The following STRN variants were observed in gnomAD, a reference collection of about 807,000 sequenced individuals.
The protein encoded by STRN is striatin, also known as protein phosphatase 2 regulatory subunit B'''alpha.
In STRN, 53 loss-of-function variants were observed where a neutral mutation model predicts 96.3. That is an observed-to-expected ratio of 0.55 (90% CI 0.44 to 0.69). The LOEUF (loss-of-function observed/expected upper bound fraction) is 0.69. Ranked by LOEUF, STRN falls within the 30% of genes least tolerant of loss-of-function variation. The pLI is 0.00. For synonymous variants in STRN, 428 were observed against 355.9 expected (o/e 1.20, Z -2.28); for missense variants, 987 against 963.9 (o/e 1.02, Z -0.32).
chr2:36,911,267 T>C (rs1669959142), intron 3 of STRN, among the ~76,000 whole-genome samples: 1 of 152,214 alleles, frequency 6.6e-6, no homozygotes, highest in African/African-American at 2.4e-5. Flanking sequence ...TGTCATATCT[T>C]AGGTCTTATC....
rs1251168837 is a variant in STRN at position 36,842,534 on chromosome 2, G to T, written c.*6922C>A. The stretch of plus-strand genomic sequence containing the variant: ...TAAGGTGAATGGCTAAATCACCAAG[G>T]ACAAGATACTTTTCTATGAAATAGG... On this transcript the variant is annotated 3_prime_UTR_variant, in exon 18 of 18. Coordinates refer to ENST00000263918, the MANE Select transcript of STRN (RefSeq NM_003162.4). 6.6e-6 allele frequency: 1 copy of T among 152,112 alleles called. No homozygotes were observed. Among genetic ancestry groups the T allele is most frequent in the African/African-American group, 2.4e-5 (1 of 41,430 alleles). 9.4% of individuals were successfully genotyped at this position (152,112 alleles called of 1,614,324 possible).
At chr2:36,916,257 G>A (rs773609008) in intron 2 of STRN, 106 bp from the exon 3 acceptor site, 5 of 953,156 alleles carry the variant, frequency 5.2e-6, no homozygotes, top group Non-Finnish European at 8.0e-6. Context: ...AACACTCCTA[G>A]AACTTTCAAA....
At chr2:36,927,999 T>C (rs913674233) in intron 1 of STRN, among the ~76,000 whole-genome samples, 5 of 152,168 alleles carry the variant, frequency 3.3e-5, no homozygotes, top group East Asian at 3.9e-4. Flanking sequence ...ATGAATATAA[T>C]TGAAAGAAAA....
intron 1 of STRN, among the ~76,000 whole-genome samples, chr2:36,929,531 C>T (rs1288249092): frequency 6.6e-6 from 1 of 152,048 alleles, no homozygotes; most frequent in Non-Finnish European, 1.5e-5. Flanking sequence ...ATTACAGGTG[C>T]ACACCACCAC....
intron 1 of STRN, among the ~76,000 whole-genome samples, chr2:36,956,318 A>G (rs1423276645): frequency 6.6e-6 from 1 of 152,210 alleles, no homozygotes; most frequent in Non-Finnish European, 1.5e-5. Context: ...CCTTACAGCG[A>G]TCCTGCTTAG....
intron 1 of STRN, among the ~76,000 whole-genome samples, chr2:36,935,154 G>A (rs1165561294): frequency 1.3e-5 from 2 of 152,156 alleles, no homozygotes; most frequent in Non-Finnish European, 2.9e-5. Context: ...TACTACACCT[G>A]AACATTCCCA....
At chr2:36,899,459 T>C (rs1030562375) in intron 6 of STRN, 64 bp downstream of exon 6, 10 of 1,345,276 alleles carry the variant, frequency 7.4e-6, no homozygotes, top group African/African-American at 4.5e-5. Flanking sequence ...GATTCTTTTA[T>C]GCATTATACA....
intron 1 of STRN, among the ~76,000 whole-genome samples, chr2:36,949,085 C>T (rs894591216): frequency 6.6e-6 from 1 of 152,172 alleles, no homozygotes; most frequent in Non-Finnish European, 1.5e-5. Flanking sequence ...ACCTTCTCTA[C>T]GTTTATGGCT....
At chr2:36,851,180 C>A (rs1296328614) in intron 15 of STRN, 73 bp from the exon 16 acceptor site, 1 of 1,367,454 alleles carries the variant, frequency 7.3e-7, no homozygotes, top group East Asian at 2.4e-5. Flanking sequence ...ACTGAATTAT[C>A]TATCTAAGAG....
At chr2:36,942,944 C>T (rs1179795443) in intron 1 of STRN, among the ~76,000 whole-genome samples, 1 of 152,124 alleles carries the variant, frequency 6.6e-6, no homozygotes, top group Non-Finnish European at 1.5e-5. Flanking sequence ...GATTTGCCCG[C>T]CTCGGCCTCC....
At chr2:36,878,834 C>A (rs1416167237) in intron 9 of STRN, among the ~76,000 whole-genome samples, 1 of 151,954 alleles carries the variant, frequency 6.6e-6, no homozygotes, top group African/African-American at 2.4e-5. Context: ...CTCACTGCAA[C>A]CTCCACCTCC....
chr2:36,965,580 G>A (rs1665137964), intron 1 of STRN, among the ~76,000 whole-genome samples: 1 of 151,876 alleles, frequency 6.6e-6, no homozygotes, highest in East Asian at 1.9e-4. Flanking sequence ...CTCTGACTGC[G>A]ATCATCTAGG....
chr2:36,895,993 C>T (rs1669532220), intron 6 of STRN, among the ~76,000 whole-genome samples: 1 of 152,076 alleles, frequency 6.6e-6, no homozygotes, highest in Non-Finnish European at 1.5e-5. Flanking sequence ...CTCAGAGTTC[C>T]ACATATAAAT....
At position 36,851,249 on chromosome 2, in the gene STRN, C is replaced by CCAAGGTGGGTGGATCACGAGGT. The variant is rs543615494; in HGVS notation, c.1979-164_1979-143dup. 1.8e-3 allele frequency: 1,030 copies of CCAAGGTGGGTGGATCACGAGGT among 566,280 alleles called. 2 individuals carry two copies. Among genetic ancestry groups the CCAAGGTGGGTGGATCACGAGGT allele is most frequent in the Non-Finnish European group, 2.5e-3 (826 of 329,846 alleles). 35.1% of individuals were successfully genotyped at this position (566,280 alleles called of 1,614,324 possible). ...CCTGTAATCCAAGCACGTTGGGAGG[C>CCAAGGTGGGTGGATCACGAGGT]CAAGGTGGGTGGATCACGAGGTCAG... is the stretch of plus-strand genomic sequence containing the variant. On this transcript the variant is annotated intron_variant, in intron 15 of 17. Coordinates refer to ENST00000263918, the MANE Select transcript of STRN (RefSeq NM_003162.4).
chr2:36,855,603 A>C (rs1415541972), intron 14 of STRN, among the ~76,000 whole-genome samples: 2 of 152,212 alleles, frequency 1.3e-5, no homozygotes, highest in Non-Finnish European at 2.9e-5. Flanking sequence ...CATGGAATGC[A>C]AGCCTTTATT....
chr2:36,887,266 A>AAAAT (rs34577574), intron 7 of STRN, among the ~76,000 whole-genome samples: 41,810 of 136,268 alleles, frequency 0.31, 7,010 homozygotes, highest in East Asian at 0.47. Context: ...CATTTCTAGT[A>AAAAT]AAATAAATAA....
intron 10 of STRN, among the ~76,000 whole-genome samples, chr2:36,874,495 G>A (rs1004119506): frequency 1.3e-5 from 2 of 151,962 alleles, no homozygotes; most frequent in African/African-American, 4.8e-5. Flanking sequence ...GAAGAGAAAT[G>A]GCTGAGAACT....
In STRN at chr2:36,857,784, T is replaced by C; in HGVS notation, c.1837+72A>G. 4.6e-6 allele frequency: 6 copies of C among 1,299,158 alleles called. No individual in the cohort carries two copies. The South Asian group carries it at 8.6e-5, about 19-fold the overall frequency. 80.5% of individuals were successfully genotyped at this position (1,299,158 alleles called of 1,614,324 possible). ...AATTTAAAGAGTTCAGGGAATCATT[T>C]ATCTGCTTGCTTATTTTCAGAATAA... On this transcript the variant is annotated intron_variant, in intron 14 of 17. Transcript: ENST00000263918.
chr2:36,935,362 G>A (rs181420372), intron 1 of STRN, among the ~76,000 whole-genome samples: 3 of 152,230 alleles, frequency 2.0e-5, no homozygotes, highest in East Asian at 1.9e-4. Context: ...AACACTTTAT[G>A]AGACTTATAT....
Sources: allele counts gnomAD v4.1 joint callset (sites outside exome capture counted in the v4.1 genomes callset), GRCh38; gene constraint gnomAD v4.1.1; transcripts MANE v1.5; gene names NCBI Gene and HGNC (gene_info 2026-07-23, HGNC 2026-07-21).